CDK8: variants seen among roughly 807,000 people sequenced by gnomAD.
The protein encoded by CDK8 is cyclin-dependent kinase 8.
CDK8 carries 29 observed loss-of-function variants against 71.5 expected under a neutral mutation model. The ratio of observed to expected loss-of-function variants is 0.41; its 90% confidence interval spans 0.30 to 0.55. The LOEUF is 0.55. Among genes scored for constraint, CDK8 ranks in the 20% least tolerant of loss-of-function variants. CDK8 has a pLI of 0.37. For synonymous variants in CDK8, 161 were observed against 192.1 expected, an observed-to-expected ratio of 0.84 and a Z score of 1.34; for missense variants, 288 against 572.6, an observed-to-expected ratio of 0.50 and a Z score of 5.07.
chr13:26,308,892 A>C (rs1216822879), intron 1 of CDK8, among the ~76,000 whole-genome samples: 2 of 152,238 alleles, frequency 1.3e-5, no homozygotes, highest in Non-Finnish European at 1.5e-5. Context: ...CATAATGGCT[A>C]CAAATTCAGG....
intron 4 of CDK8, among the ~76,000 whole-genome samples, chr13:26,358,181 C>T (rs965006603): frequency 1.3e-5 from 2 of 152,084 alleles, no homozygotes; most frequent in Non-Finnish European, 1.5e-5. Flanking sequence ...TGCCTGTAGT[C>T]CCAGCTACTT....
intron 1 of CDK8, among the ~76,000 whole-genome samples, chr13:26,295,281 T>C (rs1371553763): frequency 6.6e-6 from 1 of 152,122 alleles, no homozygotes. Flanking sequence ...GACTTTGGTA[T>C]GTGTAGATTT....
Position 26,255,018 on chromosome 13 carries a change from C to T in CDK8, c.128+249C>T, listed in dbSNP as rs572079688. ...GCAAGATGAGCCTCTGCACCGTGGGCTGTATACTTTTCAAGGATTTCAAAG... is the reference window on the plus strand; with the variant it reads ...GCAAGATGAGCCTCTGCACCGTGGGTTGTATACTTTTCAAGGATTTCAAAG... On this transcript the variant is annotated intron_variant, in intron 1 of 12. Transcript: ENST00000381527. 9.2e-5 allele frequency among the ~76,000 whole-genome samples: 14 copies of T among 152,216 alleles called. 2 individuals are homozygous for T. In the South Asian group the frequency reaches 2.9e-3, roughly 32 times the overall value.
intron 2 of CDK8, among the ~76,000 whole-genome samples, chr13:26,342,230 A>C (rs1477688340): frequency 6.6e-6 from 1 of 152,234 alleles, no homozygotes; most frequent in Non-Finnish European, 1.5e-5. Context: ...AAATATTTTA[A>C]CACAAAATCT....
At chr13:26,340,681 C>T (rs1301579842) in intron 2 of CDK8, among the ~76,000 whole-genome samples, 1 of 152,128 alleles carries the variant, frequency 6.6e-6, no homozygotes, top group East Asian at 1.9e-4. Context: ...TGATTACACC[C>T]AGTTTGTTTC....
intron 4 of CDK8, among the ~76,000 whole-genome samples, chr13:26,375,168 A>C (rs942874849): frequency 6.6e-6 from 1 of 152,212 alleles, no homozygotes; most frequent in Admixed American, 6.5e-5. Flanking sequence ...TATAAGGAGA[A>C]AAAAACCAAA....
chr13:26,361,035 C>T (rs140464805), intron 4 of CDK8, among the ~76,000 whole-genome samples: 10 of 152,280 alleles, frequency 6.6e-5, no homozygotes, highest in South Asian at 4.2e-4. Flanking sequence ...TTTTGTTTCA[C>T]TCAGTGAAAC....
rs1408189520 is a variant in CDK8 at position 26,404,054 on chromosome 13, G to A, written c.1368G>A (p.Gln456=). The part of the protein sequence containing the change: ...GYSATSQQPP[Q]YSHQTHRY ...CAGCTACCTCCCAGCAGCCTCCACA[G>A]TACTCACATCAGACACATCGGTACT... The change falls in exon 13 of 13, where the codon CAG becomes CAA. Residue 456 remains glutamine (Q), a synonymous_variant. Coordinates refer to ENST00000381527, the MANE Select transcript of CDK8 (RefSeq NM_001260.3). 15 of 1,614,028 alleles carry A rather than the reference G, an allele frequency of 9.3e-6. No individual in the cohort carries two copies. The highest frequency in any genetic ancestry group is 1.3e-5 in the Non-Finnish European group (15 of 1,180,006).
intron 1 of CDK8, among the ~76,000 whole-genome samples, chr13:26,327,626 C>T (rs1253173254): frequency 3.3e-5 from 5 of 152,054 alleles, no homozygotes; most frequent in African/African-American, 9.7e-5. Context: ...GTCAGGAGTT[C>T]GAGACCAGCC....
intron 4 of CDK8, among the ~76,000 whole-genome samples, chr13:26,366,300 A>G (rs1593291802): frequency 1.3e-5 from 2 of 152,302 alleles, no homozygotes; most frequent in African/African-American, 4.8e-5. Flanking sequence ...GCAGAGAGCC[A>G]TATTTCAAAA....
In CDK8 at chr13:26,396,268, A is replaced by G. The variant is rs1391985313; in HGVS notation, c.791-17A>G. Reference sequence around the variant, plus strand: ...AGGAACTTAGGCAACATAAAAATTTATCAATGTATTTCACAGATAAAGATT... The same window carrying G: ...AGGAACTTAGGCAACATAAAAATTTGTCAATGTATTTCACAGATAAAGATT... On this transcript the variant is annotated splice_polypyrimidine_tract_variant and intron_variant, in intron 7 of 12. Coordinates refer to ENST00000381527, the MANE Select transcript of CDK8 (RefSeq NM_001260.3). The G allele has an allele frequency of 1.8e-6, 2 of 1,139,038 alleles. No homozygotes were observed. Among genetic ancestry groups the G allele is most frequent in the Admixed American group, 2.4e-5 (1 of 41,182 alleles). The allele number at this position is 1,139,038 out of a possible 1,614,324, so 70.6% of individuals were successfully genotyped here. A position where few individuals can be genotyped will look rare whatever the true frequency, so the allele number is the denominator to read the frequency against.
At chr13:26,263,907 C>T (rs915289738) in intron 1 of CDK8, among the ~76,000 whole-genome samples, 5 of 152,032 alleles carry the variant, frequency 3.3e-5, no homozygotes, top group South Asian at 2.1e-4. Flanking sequence ...CCACTACGCC[C>T]GGCTAATTTT....
Position 26,403,937 on chromosome 13 carries a change from TC to T in CDK8, c.1270-16del. 5.0e-6 allele frequency: 8 copies of T among 1,608,692 alleles called. No homozygotes were observed. The highest frequency in any genetic ancestry group is 6.8e-6 in the Non-Finnish European group (8 of 1,179,702). ...CCTAGAAGCACCTGAATCACACTTT[TC>T]CCTCATCTCCTTTCCAGCGTTCCAA... On this transcript the variant is annotated intron_variant, in intron 12 of 12. Transcript: ENST00000381527.
chr13:26,404,071 A>T lies in CDK8; in HGVS notation c.1385A>T (p.His462Leu), dbSNP rs766349976. The T allele has an allele frequency of 6.2e-7, 1 of 1,613,954 alleles. No homozygotes were observed. Among genetic ancestry groups the T allele is most frequent in the Non-Finnish European group, 8.5e-7 (1 of 1,179,938 alleles). ...QQPPQYSHQT[H>L]RY ...CCTCCACAGTACTCACATCAGACACATCGGTACTGAGCTGCATCGGAATCT... is the reference window on the plus strand; with the variant it reads ...CCTCCACAGTACTCACATCAGACACTTCGGTACTGAGCTGCATCGGAATCT... Residue 462 changes from histidine (H) to leucine (L), a missense_variant, in exon 13 of 13, where the codon CAT becomes CTT. His to Leu is a moderately conservative substitution (Grantham distance 99). This residue lies in a region of CDK8 where 76 missense variants were observed against 99.7 expected (regional missense o/e 0.76). Transcript: ENST00000381527.
In CDK8 at chr13:26,401,763, T is replaced by C; in HGVS notation, c.1269+139T>C. On this transcript the variant is annotated intron_variant, in intron 12 of 12. Coordinates refer to ENST00000381527, the MANE Select transcript of CDK8 (RefSeq NM_001260.3). This position sits in a 1 kb window ranked among gnomAD's most constrained non-coding sequence, Gnocchi z 4.5. ...ACATTAACATGAAATGTTACTGGCA[T>C]GGAAAAGTACTGACAGTGGTATGGT... 1.1e-6 allele frequency: 1 copy of C among 903,542 alleles called. No homozygotes were observed. Among genetic ancestry groups the C allele is most frequent in the Non-Finnish European group, 1.7e-6 (1 of 586,424 alleles). The allele number at this position is 903,542 out of a possible 1,614,324, so 56.0% of individuals were successfully genotyped here. A position where few individuals can be genotyped will look rare whatever the true frequency, so the allele number is the denominator to read the frequency against.
chr13:26,353,662 TC>T, intron 3 of CDK8, 77 bp from the exon 4 acceptor site: 1 of 1,181,134 alleles, frequency 8.5e-7, no homozygotes, highest in Non-Finnish European at 1.2e-6. Flanking sequence ...TGTTTCTTTT[TC>T]TGTTAGGAAA....
intron 4 of CDK8, among the ~76,000 whole-genome samples, chr13:26,357,143 A>G (rs1346463695): frequency 6.6e-6 from 1 of 152,260 alleles, no homozygotes; most frequent in African/African-American, 2.4e-5. Flanking sequence ...TAAAATTAAC[A>G]GTCCTATTTA....
intron 1 of CDK8, among the ~76,000 whole-genome samples, chr13:26,314,048 C>T (rs1874402173): frequency 2.0e-5 from 3 of 152,296 alleles, no homozygotes; most frequent in Admixed American, 2.0e-4. Flanking sequence ...CCTCTGGACT[C>T]TTCTGTTACT....
intron 1 of CDK8, among the ~76,000 whole-genome samples, chr13:26,271,028 A>G (rs577382761): frequency 1.9e-4 from 29 of 152,298 alleles, no homozygotes; most frequent in African/African-American, 4.6e-4. Context: ...ATTAAATGGT[A>G]TCTTATTGTG....
Sources: allele counts gnomAD v4.1 joint callset (sites outside exome capture counted in the v4.1 genomes callset), GRCh38; gene constraint gnomAD v4.1.1; regional missense constraint gnomAD v4.1.1; non-coding constraint Gnocchi (gnomAD v3.1); transcripts MANE v1.5; gene names NCBI Gene and HGNC (gene_info 2026-07-23, HGNC 2026-07-21).